Variants in TCF4 observed in about 807,000 individuals in gnomAD.
TCF4 encodes transcription factor 4, also known as SL3-3 enhancer factor 2.
A neutral mutation model predicts 82.1 loss-of-function variants in TCF4; 3 were observed. The observed-to-expected ratio is 0.04, with a 90% confidence interval of 0.02 to 0.09. TCF4 has a LOEUF of 0.09. TCF4 is among the 10% of genes least tolerant of loss of function. The probability of loss-of-function intolerance (pLI) is 1.00; values close to 1 mark genes in which losing one functional copy is unlikely to be tolerated. For synonymous variants in TCF4, 276 were observed against 309.6 expected, an observed-to-expected ratio of 0.89 and a Z score of 1.14; for missense variants, 518 against 852.7, an observed-to-expected ratio of 0.61 and a Z score of 4.89.
At chr18:55,573,298 CAAA>C (rs34330994) in intron 3 of TCF4, among the ~76,000 whole-genome samples, 11 of 106,964 alleles carry the variant, frequency 1.0e-4, no homozygotes, top group Non-Finnish European at 1.2e-4. Context: ...GAAGTTTCAC[CAAA>C]AAAAAAAAAA....
intron 5 of TCF4, among the ~76,000 whole-genome samples, chr18:55,416,770 A>G (rs1192496841): frequency 6.6e-6 from 1 of 152,256 alleles, no homozygotes; most frequent in African/African-American, 2.4e-5. Context: ...CAATCTGTTA[A>G]GTCCAGGGAA....
intron 8 of TCF4, among the ~76,000 whole-genome samples, chr18:55,286,316 TTTCAGATG>T (rs2063677059): frequency 6.6e-6 from 1 of 152,124 alleles, no homozygotes; most frequent in Non-Finnish European, 1.5e-5. Flanking sequence ...TTTTTTTTTT[TTTCAGATG>T]TTCCTTTCTC....
intron 5 of TCF4, among the ~76,000 whole-genome samples, chr18:55,439,639 A>G (rs1189015025): frequency 6.6e-6 from 1 of 152,234 alleles, no homozygotes; most frequent in African/African-American, 2.4e-5. Context: ...CACAGTAAAC[A>G]TTCAACGCTG....
intron 5 of TCF4, among the ~76,000 whole-genome samples, chr18:55,427,883 A>C (rs922274532): frequency 6.6e-6 from 1 of 152,214 alleles, no homozygotes; most frequent in Admixed American, 6.5e-5. Flanking sequence ...TGATTCTAAG[A>C]CTAAATACTT....
intron 3 of TCF4, among the ~76,000 whole-genome samples, chr18:55,535,373 G>GA (rs1181114785): frequency 8.6e-5 from 13 of 151,986 alleles, no homozygotes; most frequent in Non-Finnish European, 1.5e-4. Context: ...ACTAAAATGA[G>GA]AAAAAAACCT....
At chr18:55,393,425 C>T (rs904648331) in intron 6 of TCF4, among the ~76,000 whole-genome samples, 1 of 152,144 alleles carries the variant, frequency 6.6e-6, no homozygotes, top group Admixed American at 6.5e-5. Context: ...TCTGCATATG[C>T]TTTGTATGGC....
At chr18:55,313,404 C>T (rs10515970) in intron 8 of TCF4, among the ~76,000 whole-genome samples, 8,168 of 152,118 alleles carry the variant, frequency 0.054, 303 homozygotes, top group East Asian at 0.2. Flanking sequence ...TAGTATCTTG[C>T]AGAAAATAAT....
rs2097735764 is a variant in TCF4 at position 55,635,751 on chromosome 18, G to C, written c.147C>G (p.Cys49Trp). ...TCGAGTAGCAGTTCTCAACCCAAGT[G>C]CATGTTACAATGTCCTGAGAAGTTT... The change falls in exon 1 of 21, where the codon TGC (cysteine) becomes TGG (tryptophan). Residue 49 changes from cysteine (C) to tryptophan (W), a missense_variant. Transcript: ENST00000398339. 2.6e-6 allele frequency: 4 copies of C among 1,550,440 alleles called. No individual in the cohort carries two copies. In the South Asian group the frequency reaches 4.8e-5, roughly 18 times the overall value.
At chr18:55,631,589 TAG>T (rs1225983570) in intron 1 of TCF4, among the ~76,000 whole-genome samples, 2 of 152,176 alleles carry the variant, frequency 1.3e-5, no homozygotes, top group East Asian at 3.9e-4. Flanking sequence ...TGCAAATACA[TAG>T]ACACACTTAA....
intron 6 of TCF4, among the ~76,000 whole-genome samples, chr18:55,374,695 T>G (rs1246156417): frequency 6.6e-6 from 1 of 150,878 alleles, no homozygotes; most frequent in African/African-American, 2.4e-5. Flanking sequence ...AGTCCAGGAG[T>G]TCAAGACCAG....
At chr18:55,293,930 A>ATTTTT (rs1568769774) in intron 8 of TCF4, among the ~76,000 whole-genome samples, 3 of 22,644 alleles carry the variant, frequency 1.3e-4, no homozygotes, top group Non-Finnish European at 3.4e-4. Flanking sequence ...CTTTCCAAGG[A>ATTTTT]CTTTTTTTTT....
chr18:55,589,099 A>G (rs1468219432), upstream of TCF4, among the ~76,000 whole-genome samples: 1 of 145,984 alleles, frequency 6.9e-6, no homozygotes, highest in East Asian at 2.0e-4. Flanking sequence ...CGTGTGTTTG[A>G]AAAAAAAAAC....
exon 1 of TCF4, chr18:55,635,866 T>A: frequency 6.4e-7 from 1 of 1,567,384 alleles, no homozygotes; most frequent in Non-Finnish European, 8.7e-7. Flanking sequence ...GAGAGGCACC[T>A]GTGGTATTTT....
intron 3 of TCF4, among the ~76,000 whole-genome samples, chr18:55,474,081 C>T (rs535919980): frequency 6.6e-5 from 10 of 152,258 alleles, no homozygotes; most frequent in Admixed American, 6.5e-4. Flanking sequence ...TAATGAAAAT[C>T]TGTAAAAATG....
intron 6 of TCF4, among the ~76,000 whole-genome samples, chr18:55,362,201 C>T (rs1052340476): frequency 2.6e-5 from 4 of 151,806 alleles, no homozygotes; most frequent in Non-Finnish European, 5.9e-5. Context: ...CCAGCATTTT[C>T]AGAGGCCAAG....
upstream of TCF4, chr18:55,588,571 A>G: frequency 6.5e-7 from 1 of 1,526,736 alleles, no homozygotes; most frequent in Non-Finnish European, 8.8e-7. Flanking sequence ...TCGAGTTTAC[A>G]TCCCCTCACT....
chr18:55,249,905 A>G (rs933589038), intron 15 of TCF4, among the ~76,000 whole-genome samples: 1 of 152,214 alleles, frequency 6.6e-6, no homozygotes, highest in African/African-American at 2.4e-5. Flanking sequence ...GCTTCTTTTC[A>G]GGCCTCATCT....
chr18:55,542,072 T>C (rs892696573), intron 3 of TCF4, among the ~76,000 whole-genome samples: 1 of 152,022 alleles, frequency 6.6e-6, no homozygotes, highest in Non-Finnish European at 1.5e-5. Context: ...CCAGTAATTG[T>C]GCATATCTAT....
chr18:55,621,959 T>A (rs1259933578), intron 2 of TCF4, among the ~76,000 whole-genome samples: 2 of 125,872 alleles, frequency 1.6e-5, no homozygotes. Context: ...ATATTATATA[T>A]ACACTATATA....
Sources: gnomAD v4.1 joint callset for allele counts (sites outside exome capture counted in the v4.1 genomes callset) on GRCh38, gnomAD v4.1.1 for gene constraint, MANE v1.5 for transcripts, NCBI Gene and HGNC (gene_info 2026-07-23, HGNC 2026-07-21) for gene names.